ANO5: variants seen among roughly 807,000 people sequenced by gnomAD.
ANO5 encodes anoctamin-5.
ANO5 carries 109 observed loss-of-function variants against 121.0 expected under a neutral mutation model. The ratio of observed to expected loss-of-function variants is 0.90; its 90% CI spans 0.77 to 1.06. The LOEUF (loss-of-function observed/expected upper bound fraction) is 1.06. Ranked by LOEUF, ANO5 falls within the 50% of genes least tolerant of loss-of-function variation. ANO5 has a pLI of 0.00. For missense variants in ANO5, 1,064 were observed against 1,078.5 expected (o/e 0.99, Z 0.19); for synonymous variants, 406 against 359.9 (o/e 1.13, Z -1.45).
intron 21 of ANO5, among the ~76,000 whole-genome samples, chr11:22,278,866 G>C (rs1854967750): frequency 6.7e-6 from 1 of 148,390 alleles, no homozygotes; most frequent in African/African-American, 2.5e-5. Context: ...TCATTGTGCT[G>C]AATTTCACTG....
intron 7 of ANO5, among the ~76,000 whole-genome samples, chr11:22,234,763 G>A (rs1236094074): frequency 6.6e-6 from 1 of 151,944 alleles, no homozygotes; most frequent in Non-Finnish European, 1.5e-5. Context: ...ACAGTTTCTG[G>A]TAACAAAGGC....
chr11:22,254,603 G>A (rs2133718899), intron 12 of ANO5, among the ~76,000 whole-genome samples: 1 of 151,052 alleles, frequency 6.6e-6, no homozygotes, highest in East Asian at 1.9e-4. Context: ...AAAAAAAAAA[G>A]CTTGACACGA....
intron 17 of ANO5, among the ~76,000 whole-genome samples, chr11:22,269,356 G>A (rs910571610): frequency 7.3e-6 from 1 of 136,364 alleles, no homozygotes; most frequent in Non-Finnish European, 1.6e-5. Flanking sequence ...GAAGGGAAGG[G>A]AAGAGAAGGG....
At chr11:22,275,495 C>T (rs1854806957) in intron 20 of ANO5, among the ~76,000 whole-genome samples, 1 of 151,876 alleles carries the variant, frequency 6.6e-6, no homozygotes, top group African/African-American at 2.4e-5. Context: ...CCACTGGTGT[C>T]AGATTTCTGG....
intron 2 of ANO5, among the ~76,000 whole-genome samples, 180 bp from the exon 3 acceptor site, chr11:22,211,084 A>G (rs961566626): frequency 2.0e-5 from 3 of 151,990 alleles, no homozygotes; most frequent in African/African-American, 7.2e-5. Flanking sequence ...TAGCACACAT[A>G]CATGAACACA....
At chr11:22,275,676 A>ATAGAAGT (rs1854813523) in intron 20 of ANO5, among the ~76,000 whole-genome samples, 1 of 151,870 alleles carries the variant, frequency 6.6e-6, no homozygotes, top group East Asian at 1.9e-4. Context: ...TTCCAAGAAG[A>ATAGAAGT]TAGAAGTGGC....
At chr11:22,224,084 T>G (rs1481016736) in intron 5 of ANO5, among the ~76,000 whole-genome samples, 1 of 151,980 alleles carries the variant, frequency 6.6e-6, no homozygotes, top group African/African-American at 2.4e-5. Flanking sequence ...CACATTATCT[T>G]AGTTTTTTTC....
chr11:22,250,908 G>A (rs779433227), intron 11 of ANO5, 43 bp from the exon 12 acceptor site: 1 of 1,608,324 alleles, frequency 6.2e-7, no homozygotes, highest in African/African-American at 1.3e-5. Context: ...ATTACATTTA[G>A]TACTAAATTA....
chr11:22,237,607 A>G (rs1436481842), intron 8 of ANO5, among the ~76,000 whole-genome samples: 1 of 152,002 alleles, frequency 6.6e-6, no homozygotes, highest in Non-Finnish European at 1.5e-5. Flanking sequence ...GCCAGGCTGT[A>G]ATTGAACTCC....
chr11:22,275,063 G>C (rs148513252), intron 20 of ANO5, among the ~76,000 whole-genome samples: 183 of 151,960 alleles, frequency 1.2e-3, no homozygotes, highest in African/African-American at 4.0e-3. Flanking sequence ...GTGCCCCTTA[G>C]TCCAAAGCTG....
intron 1 of ANO5, among the ~76,000 whole-genome samples, chr11:22,194,863 C>A (rs1015932293): frequency 5.9e-5 from 9 of 152,178 alleles, no homozygotes; most frequent in Non-Finnish European, 1.0e-4. Context: ...TTTCCACTTT[C>A]TTTTGCTTCT....
rs373374289 is a variant in ANO5 at position 22,262,984 on chromosome 11, A to G, written c.1839A>G (p.Gln613=). Residue 613 remains glutamine, a synonymous_variant, in exon 17 of 22, where the codon CAA becomes CAG. Transcript: ENST00000324559. The part of the protein sequence containing the change: ...PGGCLIELTT[Q]LTIIMTGKQI... ...GCTGTCTTATAGAATTGACAACCCA[A>G]TTGACCATTATAATGACCGGGAAAC... The G allele has an allele frequency of 9.3e-6, 15 of 1,613,688 alleles. No individual in the cohort carries two copies. Among genetic ancestry groups the G allele is most frequent in the Non-Finnish European group, 1.3e-5 (15 of 1,179,766 alleles).
intron 17 of ANO5, among the ~76,000 whole-genome samples, chr11:22,264,472 T>A (rs11026481): frequency 0.14 from 17,254 of 125,882 alleles, 1,131 homozygotes; most frequent in African/African-American, 0.33. Flanking sequence ...AATAAAAAAA[T>A]TTTAAAAAAA....
chr11:22,211,453 G>GA lies in ANO5; in HGVS notation c.138+149dup, dbSNP rs141135840. The GA allele has an allele frequency of 9.2e-3, 8,876 of 960,980 alleles. 14 individuals are homozygous for GA. The highest frequency in any genetic ancestry group is 0.027 in the African/African-American group (1,560 of 58,634). 59.5% of individuals were successfully genotyped at this position (960,980 alleles called of 1,614,324 possible). A position where few individuals can be genotyped will look rare whatever the true frequency, so the allele number is the denominator to read the frequency against. ...TGGTATTTGAGAATATATTACTTTA[G>GA]AAAAAAAAAATCAGTTTCTTTAGGT... On this transcript the variant is annotated intron_variant, in intron 3 of 21. Transcript: ENST00000324559.
intron 1 of ANO5, among the ~76,000 whole-genome samples, chr11:22,196,381 T>A (rs1430682235): frequency 6.6e-6 from 1 of 152,134 alleles, no homozygotes; most frequent in Non-Finnish European, 1.5e-5. Context: ...CATGACGTAA[T>A]CACCTCTTCA....
At chr11:22,253,065 A>G (rs965130681) in intron 12 of ANO5, among the ~76,000 whole-genome samples, 12 of 152,164 alleles carry the variant, frequency 7.9e-5, no homozygotes, top group African/African-American at 1.9e-4. Context: ...ATTCAAATAT[A>G]TGTTGAATAA....
Position 22,255,536 on chromosome 11 carries a change from C to T in ANO5, c.1332+14C>T. 6.2e-7 allele frequency: 1 copy of T among 1,612,266 alleles called. No individual in the cohort carries two copies. The highest frequency in any genetic ancestry group is 8.5e-7 in the Non-Finnish European group (1 of 1,178,668). ...GCAGTGACTAAGGTAGACTAGAAAA[C>T]TGTGAAACGGACAGCATATCTCAAT... On this transcript the variant is annotated intron_variant, in intron 13 of 21. Coordinates refer to ENST00000324559, the MANE Select transcript of ANO5 (RefSeq NM_213599.3).
At chr11:22,222,647 C>T (rs1350032441) in intron 5 of ANO5, among the ~76,000 whole-genome samples, 1 of 151,934 alleles carries the variant, frequency 6.6e-6, no homozygotes, top group East Asian at 1.9e-4. Context: ...ATTTTAATTA[C>T]TCTGTTACAT....
chr11:22,274,817 C>A, intron 20 of ANO5, 70 bp downstream of exon 20: 1 of 1,537,568 alleles, frequency 6.5e-7, no homozygotes, highest in Middle Eastern at 1.7e-4. Flanking sequence ...TTATCTATTA[C>A]CTTTCTGTCT....
Sources: gnomAD v4.1 joint callset for allele counts (sites outside exome capture counted in the v4.1 genomes callset) on GRCh38, gnomAD v4.1.1 for gene constraint, MANE v1.5 for transcripts, NCBI Gene and HGNC (gene_info 2026-07-23, HGNC 2026-07-21) for gene names.